Variants in WIPI2 observed in about 807,000 individuals in gnomAD.
WIPI2 encodes WD repeat domain, phosphoinositide interacting 2.
Under a neutral mutation model 52.3 loss-of-function variants are expected in WIPI2, and 28 were observed. The observed-to-expected ratio is 0.54, with a 90% confidence interval of 0.40 to 0.73. The LOEUF is 0.73. WIPI2 is among the 30% of genes least tolerant of loss of function. The pLI is 0.00. For missense variants in WIPI2, 506 were observed against 602.9 expected (o/e 0.84, Z 1.68); for synonymous variants, 268 against 245.0 (o/e 1.09, Z -0.88).
At chr7:5,218,603 T>C (rs1782940731) in intron 7 of WIPI2, 1 of 152,594 alleles carries the variant, frequency 6.6e-6, no homozygotes, top group South Asian at 2.1e-4. Context: ...GTAGTGTATT[T>C]AAGTCATGTA....
At chr7:5,205,028 T>A (rs1463606393) in intron 3 of WIPI2, among the ~76,000 whole-genome samples, 2 of 151,818 alleles carry the variant, frequency 1.3e-5, no homozygotes, top group Non-Finnish European at 1.5e-5. Flanking sequence ...CAGGCTGGAG[T>A]GCAGTGGTGA....
At chr7:5,229,929 C>T (rs1278480140) in intron 12 of WIPI2, among the ~76,000 whole-genome samples, 191 bp downstream of exon 12, 3 of 137,900 alleles carry the variant, frequency 2.2e-5, no homozygotes, top group Non-Finnish European at 3.1e-5. Context: ...GTTTCGTTTC[C>T]TTTTTTTTTT....
Position 5,230,797 on chromosome 7 carries a change from C to T in WIPI2, c.1253-38C>T, listed in dbSNP as rs755526492. ...TGTGTCATGGGGTCTGTGGTGTGTC[C>T]CCAGCCTTTGAAGGGTGACTTCGTC... On this transcript the variant is annotated intron_variant, in intron 12 of 12. Coordinates refer to ENST00000288828, the MANE Select transcript of WIPI2 (RefSeq NM_015610.4). The surrounding 1 kb of genome is among the most constrained non-coding windows in gnomAD (Gnocchi z 4.8). 3 of 1,561,552 alleles carry T rather than the reference C, an allele frequency of 1.9e-6. No individual in the cohort carries two copies. In the South Asian group the frequency reaches 3.4e-5, roughly 18 times the overall value.
intron 1 of WIPI2, 109 bp from the exon 2 acceptor site, chr7:5,193,009 A>G (rs918868435): frequency 4.9e-6 from 5 of 1,025,310 alleles, no homozygotes; most frequent in Non-Finnish European, 7.4e-6. Flanking sequence ...TTTACTGGTA[A>G]TATGATTTCC....
chr7:5,228,315 A>T, intron 11 of WIPI2, 104 bp downstream of exon 11: 1 of 1,096,144 alleles, frequency 9.1e-7, no homozygotes. Flanking sequence ...AGTGACATAG[A>T]GGGGCAGATT....
chr7:5,219,525 G>A (rs1200107612), intron 7 of WIPI2, among the ~76,000 whole-genome samples: 1 of 152,162 alleles, frequency 6.6e-6, no homozygotes, highest in Non-Finnish European at 1.5e-5. Flanking sequence ...TGTGGAGTGA[G>A]AGCAGCAAGG....
chr7:5,227,459 G>C lies in WIPI2; in HGVS notation c.1013+115G>C, dbSNP rs113462433. The C allele has an allele frequency of 7.2e-7, 1 of 1,397,430 alleles. No individual in the cohort carries two copies. Among genetic ancestry groups the C allele is most frequent in the Non-Finnish European group, 9.5e-7 (1 of 1,047,688 alleles). 86.6% of individuals were successfully genotyped at this position (1,397,430 alleles called of 1,614,324 possible). ...TGAACAGGAGCAGCTTCTTAGAGCC[G>C]ACACTCCATCGAGAGTTGTCGGGGA... On this transcript the variant is annotated intron_variant, in intron 10 of 12. Coordinates refer to ENST00000288828, the MANE Select transcript of WIPI2 (RefSeq NM_015610.4). The surrounding 1 kb of genome is among the most constrained non-coding windows in gnomAD (Gnocchi z 8.1).
chr7:5,197,775 C>T (rs566681257), intron 2 of WIPI2, among the ~76,000 whole-genome samples: 2 of 152,264 alleles, frequency 1.3e-5, no homozygotes, highest in South Asian at 4.1e-4. Flanking sequence ...GTGAAATGTG[C>T]CCCTTCCCTG....
chr7:5,225,972 C>T, intron 9 of WIPI2, 42 bp downstream of exon 9: 3 of 1,561,100 alleles, frequency 1.9e-6, no homozygotes, highest in Middle Eastern at 1.7e-4. Flanking sequence ...GATGCAAAAC[C>T]CTTTGTCCCC....
chr7:5,217,169 C>G lies in WIPI2; in HGVS notation c.558C>G (p.Val186=). The G allele has an allele frequency of 6.2e-7, 1 of 1,614,156 alleles. No individual in the cohort carries two copies. Among genetic ancestry groups the G allele is most frequent in the Non-Finnish European group, 8.5e-7 (1 of 1,180,034 alleles). Residue 186 remains valine (V), a synonymous_variant, in exon 6 of 13, where the codon GTC becomes GTG. Transcript: ENST00000288828. ...GCGCGACCATCGGAGAGGTGCAGGT[C>G]TTCGATACCATTAATTTGGTGAGAT... The part of the protein sequence containing the change: ...PGSATIGEVQ[V]FDTINLRAAN...
intron 3 of WIPI2, among the ~76,000 whole-genome samples, chr7:5,212,295 G>C (rs1360340669): frequency 6.6e-6 from 1 of 152,136 alleles, no homozygotes; most frequent in Non-Finnish European, 1.5e-5. Flanking sequence ...ATTCTCAGTG[G>C]TAAGCGCGGT....
chr7:5,196,435 TG>T (rs1487188479), intron 2 of WIPI2, among the ~76,000 whole-genome samples: 2 of 152,260 alleles, frequency 1.3e-5, no homozygotes, highest in East Asian at 3.8e-4. Context: ...GGAATATTTT[TG>T]TTTCCCTTTC....
In WIPI2 at chr7:5,210,432, C is replaced by T. The variant is rs146300761; in HGVS notation, c.212-4103C>T. On this transcript the variant is annotated intron_variant, in intron 3 of 12. Transcript: ENST00000288828. ...TTCTTCAGATGCCCTCTTCTGTTGA[C>T]TTCCATCTCATACACGGTCTTGGCT... 4.2e-3 allele frequency among the ~76,000 whole-genome samples: 641 copies of T among 152,314 alleles called. 14 individuals carry two copies. Among genetic ancestry groups the T allele is most frequent in the East Asian group, 2.7e-3 (14 of 5,184 alleles).
At chr7:5,225,662 CCT>C (rs1329645843) in intron 8 of WIPI2, among the ~76,000 whole-genome samples, 159 bp from the exon 9 acceptor site, 3 of 152,144 alleles carry the variant, frequency 2.0e-5, no homozygotes, top group Admixed American at 6.5e-5. Flanking sequence ...TGAACATTTT[CCT>C]CTCTCAAGGA....
At chr7:5,197,919 C>T (rs1781829421) in intron 2 of WIPI2, among the ~76,000 whole-genome samples, 1 of 152,194 alleles carries the variant, frequency 6.6e-6, no homozygotes, top group South Asian at 2.1e-4. Flanking sequence ...GCTGGACTTG[C>T]TTCTTGTTTT....
intron 11 of WIPI2, 57 bp downstream of exon 11, chr7:5,228,268 G>T: frequency 6.8e-7 from 1 of 1,461,900 alleles, no homozygotes; most frequent in Non-Finnish European, 9.2e-7. Flanking sequence ...GGGCTTTCGG[G>T]GCACCTGGCG....
intron 8 of WIPI2, 88 bp downstream of exon 8, chr7:5,222,760 C>T: frequency 7.8e-7 from 1 of 1,278,032 alleles, no homozygotes; most frequent in Non-Finnish European, 1.1e-6. Flanking sequence ...AGTAGAACCC[C>T]CAGGAGAATT....
At chr7:5,207,055 A>G (rs183017115) in intron 3 of WIPI2, among the ~76,000 whole-genome samples, 2 of 151,726 alleles carry the variant, frequency 1.3e-5, no homozygotes, top group Admixed American at 1.3e-4. Flanking sequence ...GATTACAGAC[A>G]AACCACCACA....
At chr7:5,228,359 G>A (rs1372889864) in intron 11 of WIPI2, 148 bp downstream of exon 11, 8 of 755,540 alleles carry the variant, frequency 1.1e-5, no homozygotes, top group Non-Finnish European at 1.6e-5. Context: ...CAGGTCGGGA[G>A]CTTCGCTTTC....
Sources: gnomAD v4.1 joint callset for allele counts (sites outside exome capture counted in the v4.1 genomes callset) on GRCh38, gnomAD v4.1.1 for gene constraint, Gnocchi (gnomAD v3.1) non-coding constraint, MANE v1.5 for transcripts, NCBI Gene and HGNC (gene_info 2026-07-23, HGNC 2026-07-21) for gene names.